Variants in AUTS2 observed in about 807,000 individuals in gnomAD.
AUTS2 encodes autism susceptibility gene 2 protein.
Under a neutral mutation model 112.4 loss-of-function variants are expected in AUTS2, and 17 were observed. The observed-to-expected ratio is 0.15, with a 90% CI of 0.10 to 0.23. The LOEUF (loss-of-function observed/expected upper bound fraction) is 0.23, where lower values mean the gene tolerates loss of function less well. Among genes scored for constraint, AUTS2 ranks in the 10% least tolerant of loss-of-function variants. The probability of loss-of-function intolerance (pLI) is 1.00; values close to 1 mark genes in which losing one functional copy is unlikely to be tolerated. For missense variants in AUTS2, 1,510 were observed against 1,701.6 expected (o/e 0.89, Z 1.98); for synonymous variants, 751 against 702.7 (o/e 1.07, Z -1.09).
At chr7:69,769,340 A>G (rs1788562962) in intron 1 of AUTS2, among the ~76,000 whole-genome samples, 1 of 152,194 alleles carries the variant, frequency 6.6e-6, no homozygotes, top group Non-Finnish European at 1.5e-5. Flanking sequence ...TGTCACTGGA[A>G]TTTCTTTCCT....
intron 4 of AUTS2, among the ~76,000 whole-genome samples, chr7:70,170,131 A>G (rs970145616): frequency 2.6e-5 from 4 of 151,354 alleles, no homozygotes; most frequent in African/African-American, 9.7e-5. Flanking sequence ...CTGTCTCTCA[A>G]AAGGCAATTT....
intron 4 of AUTS2, among the ~76,000 whole-genome samples, chr7:70,170,994 CT>C (rs1808654440): frequency 6.6e-6 from 1 of 152,130 alleles, no homozygotes. Flanking sequence ...AAAACATAGT[CT>C]TTAGTCCCTT....
At chr7:70,550,991 G>A (rs1800994341) in intron 5 of AUTS2, among the ~76,000 whole-genome samples, 1 of 151,978 alleles carries the variant, frequency 6.6e-6, no homozygotes, top group South Asian at 2.1e-4. Flanking sequence ...CAGAAAGTAA[G>A]GAAGTCCTAA....
chr7:70,025,112 A>G (rs544046378), intron 2 of AUTS2, among the ~76,000 whole-genome samples: 1 of 152,312 alleles, frequency 6.6e-6, no homozygotes, highest in Non-Finnish European at 1.5e-5. Context: ...TAACAGGATA[A>G]TGATCATTAT....
At chr7:70,518,453 C>T (rs548142941) in intron 5 of AUTS2, among the ~76,000 whole-genome samples, 12 of 152,058 alleles carry the variant, frequency 7.9e-5, no homozygotes, top group African/African-American at 2.2e-4. Context: ...GAGACCAAGG[C>T]GGGCGGATCA....
chr7:69,891,152 C>T (rs2129539177), intron 1 of AUTS2, among the ~76,000 whole-genome samples: 1 of 152,258 alleles, frequency 6.6e-6, no homozygotes, highest in East Asian at 1.9e-4. Flanking sequence ...CCTATCTCTC[C>T]CAGGAAGCCA....
At chr7:70,695,278 G>C (rs911256629) in intron 5 of AUTS2, among the ~76,000 whole-genome samples, 4 of 152,134 alleles carry the variant, frequency 2.6e-5, no homozygotes, top group African/African-American at 9.6e-5. Flanking sequence ...GGCCGGCCGG[G>C]CTCGGCCGGA....
chr7:69,816,235 G>A (rs1377888138), intron 1 of AUTS2, among the ~76,000 whole-genome samples: 1 of 152,310 alleles, frequency 6.6e-6, no homozygotes, highest in Middle Eastern at 3.4e-3. Context: ...TTTATTTCCT[G>A]ATGATTTCTA....
At chr7:70,704,776 T>G (rs1223768052) in intron 6 of AUTS2, among the ~76,000 whole-genome samples, 1 of 152,266 alleles carries the variant, frequency 6.6e-6, no homozygotes, top group African/African-American at 2.4e-5. Context: ...CTCTGGATTA[T>G]TTCTAGTTTC....
At chr7:70,076,978 G>C (rs1188910572) in intron 2 of AUTS2, among the ~76,000 whole-genome samples, 1 of 152,142 alleles carries the variant, frequency 6.6e-6, no homozygotes, top group African/African-American at 2.4e-5. Context: ...ATATAGCCTA[G>C]GGGGATATAT....
At chr7:70,142,001 G>A (rs1272426810) in intron 4 of AUTS2, among the ~76,000 whole-genome samples, 1 of 152,116 alleles carries the variant, frequency 6.6e-6, no homozygotes, top group African/African-American at 2.4e-5. Flanking sequence ...AAAATAATCA[G>A]GTGAGAAAAG....
chr7:70,636,790 G>T (rs1028407089), intron 5 of AUTS2, among the ~76,000 whole-genome samples: 24 of 151,998 alleles, frequency 1.6e-4, no homozygotes, highest in Middle Eastern at 3.4e-3. Flanking sequence ...GAGACTACAG[G>T]CATGCACTAC....
At chr7:70,187,383 T>C (rs1809658780) in intron 4 of AUTS2, among the ~76,000 whole-genome samples, 1 of 152,250 alleles carries the variant, frequency 6.6e-6, no homozygotes, top group East Asian at 1.9e-4. Flanking sequence ...ATATGTAAGA[T>C]ATATACCTAT....
chr7:69,695,571 C>T (rs1797523905), intron 1 of AUTS2, among the ~76,000 whole-genome samples: 2 of 152,092 alleles, frequency 1.3e-5, no homozygotes, highest in Admixed American at 1.3e-4. Flanking sequence ...TTAATACTCA[C>T]TTTAAAAACA....
chr7:69,986,406 C>T (rs996432058), intron 2 of AUTS2, among the ~76,000 whole-genome samples: 39 of 152,234 alleles, frequency 2.6e-4, no homozygotes, highest in African/African-American at 8.0e-4. Flanking sequence ...ACAATGTTTT[C>T]CATAATCTGG....
At chr7:70,744,738 T>G (rs1387626942) in intron 6 of AUTS2, among the ~76,000 whole-genome samples, 1 of 152,170 alleles carries the variant, frequency 6.6e-6, no homozygotes, top group African/African-American at 2.4e-5. Context: ...CTTTGTGTCT[T>G]TGTACAGTTG....
At chr7:70,508,651 C>T (rs1041865528) in intron 5 of AUTS2, among the ~76,000 whole-genome samples, 11 of 152,068 alleles carry the variant, frequency 7.2e-5, no homozygotes, top group African/African-American at 1.7e-4. Context: ...AGAGTGTGTG[C>T]GCGTACATAC....
chr7:70,513,771 T>G (rs1799302932), intron 5 of AUTS2, among the ~76,000 whole-genome samples: 1 of 151,776 alleles, frequency 6.6e-6, no homozygotes. Flanking sequence ...GTGATTCGCA[T>G]GTCTCAGCCT....
intron 1 of AUTS2, among the ~76,000 whole-genome samples, chr7:69,746,843 T>G (rs892045245): frequency 6.6e-6 from 1 of 151,296 alleles, no homozygotes; most frequent in African/African-American, 2.4e-5. Context: ...GAGAATGGAG[T>G]TTGTGGGGGG....
Sources: gnomAD v4.1 joint callset for allele counts (sites outside exome capture counted in the v4.1 genomes callset) on GRCh38, gnomAD v4.1.1 for gene constraint, MANE v1.5 for transcripts, NCBI Gene and HGNC (gene_info 2026-07-23, HGNC 2026-07-21) for gene names.